Variants in DEPTOR observed in about 807,000 individuals in gnomAD.
DEPTOR encodes DEP domain-containing mTOR-interacting protein.
DEPTOR carries 41 observed loss-of-function variants against 41.6 expected under a neutral mutation model. That is an observed-to-expected ratio of 0.98 (90% CI 0.77 to 1.28). The LOEUF is 1.28. Ranked by LOEUF, DEPTOR falls within the 50% of genes most tolerant of loss-of-function variation. DEPTOR has a pLI of 0.00. For synonymous variants in DEPTOR, 195 were observed against 192.3 expected (o/e 1.01, Z -0.12); for missense variants, 514 against 527.9 (o/e 0.97, Z 0.26).
chr8:119,949,561 G>T (rs557485733), intron 3 of DEPTOR, among the ~76,000 whole-genome samples: 6 of 152,188 alleles, frequency 3.9e-5, no homozygotes, highest in Non-Finnish European at 7.3e-5. Flanking sequence ...CCAACTAGCG[G>T]ATATGAAATG....
chr8:119,908,113 G>A (rs911845699), intron 1 of DEPTOR, among the ~76,000 whole-genome samples: 2 of 152,144 alleles, frequency 1.3e-5, no homozygotes, highest in African/African-American at 4.8e-5. Context: ...GGAGTCCGGA[G>A]ATCAAACTGT....
chr8:119,995,411 C>A (rs567205405), intron 4 of DEPTOR, among the ~76,000 whole-genome samples: 1 of 151,996 alleles, frequency 6.6e-6, no homozygotes, highest in Non-Finnish European at 1.5e-5. Context: ...CATGGTGAAA[C>A]CCTGTCTCCA....
chr8:119,874,886 C>T (rs1827212358), intron 1 of DEPTOR, among the ~76,000 whole-genome samples: 1 of 152,118 alleles, frequency 6.6e-6, no homozygotes, highest in Non-Finnish European at 1.5e-5. Context: ...AAAGAAAACC[C>T]AGCTCTGCAG....
chr8:120,046,267 T>G (rs141921619), intron 8 of DEPTOR, among the ~76,000 whole-genome samples: 59 of 152,304 alleles, frequency 3.9e-4, no homozygotes, highest in African/African-American at 1.3e-3. Flanking sequence ...TATTCACAGA[T>G]TTATGTCACT....
chr8:119,920,990 T>TG (rs3029121), intron 1 of DEPTOR, among the ~76,000 whole-genome samples: 34,489 of 148,590 alleles, frequency 0.23, 4,172 homozygotes, highest in Middle Eastern at 0.38. Flanking sequence ...GTTTTTTTTT[T>TG]TTTTGAGACA....
At chr8:119,979,063 A>G (rs1381594465) in intron 4 of DEPTOR, among the ~76,000 whole-genome samples, 4 of 152,160 alleles carry the variant, frequency 2.6e-5, no homozygotes, top group Non-Finnish European at 5.9e-5. Context: ...AGCATAAGCA[A>G]ACTCATCAGT....
chr8:120,049,117 G>C (rs945403022), intron 8 of DEPTOR, among the ~76,000 whole-genome samples: 58 of 152,174 alleles, frequency 3.8e-4, no homozygotes, highest in African/African-American at 1.3e-3. Flanking sequence ...ACATTCTTTG[G>C]TTGAGTCCTC....
chr8:120,040,703 C>T (rs1402773845), intron 8 of DEPTOR, among the ~76,000 whole-genome samples: 2 of 152,172 alleles, frequency 1.3e-5, no homozygotes, highest in East Asian at 3.8e-4. Context: ...TGCAACTGGA[C>T]TCCAAAAGTC....
chr8:119,977,110 C>T (rs145377415), intron 4 of DEPTOR, among the ~76,000 whole-genome samples: 295 of 152,270 alleles, frequency 1.9e-3, no homozygotes, highest in African/African-American at 6.8e-3. Flanking sequence ...TAGCGATTCT[C>T]CTGCCTCAGC....
chr8:119,883,568 G>T (rs948327140), intron 1 of DEPTOR, among the ~76,000 whole-genome samples: 5 of 151,160 alleles, frequency 3.3e-5, no homozygotes, highest in African/African-American at 7.3e-5. Flanking sequence ...GGGAACAAAT[G>T]TCATGGCCTC....
rs71571643 is a variant in DEPTOR at position 119,988,958 on chromosome 8, C to CTTTTTTTTTTTTT, written c.605-12557_605-12545dup. 8.1e-3 allele frequency among the ~76,000 whole-genome samples: 750 copies of CTTTTTTTTTTTTT among 93,092 alleles called. 3 individuals are homozygous for CTTTTTTTTTTTTT. Among genetic ancestry groups the CTTTTTTTTTTTTT allele is most frequent in the Non-Finnish European group, 9.8e-3 (502 of 51,228 alleles). The allele number at this position is 93,092 out of a possible 152,430, so 61.1% of individuals were successfully genotyped here. A position where few individuals can be genotyped will look rare whatever the true frequency, so the allele number is the denominator to read the frequency against. ...GCTATAGCCATATCCTTTTTTTTTT[C>CTTTTTTTTTTTTT]TTTTTTTTTTTTTTTTTTTTTTAAT... is the stretch of plus-strand genomic sequence containing the variant. On this transcript the variant is annotated intron_variant, in intron 4 of 8. Coordinates refer to ENST00000286234, the MANE Select transcript of DEPTOR (RefSeq NM_022783.4).
At chr8:120,016,466 T>A (rs934304751) in intron 8 of DEPTOR, among the ~76,000 whole-genome samples, 5 of 151,800 alleles carry the variant, frequency 3.3e-5, no homozygotes, top group African/African-American at 1.2e-4. Context: ...ACCCAGCTAA[T>A]TTTTTTGTAT....
chr8:119,955,959 C>T (rs1186703772), intron 3 of DEPTOR, among the ~76,000 whole-genome samples: 1 of 152,110 alleles, frequency 6.6e-6, no homozygotes. Flanking sequence ...AGCCCCGCAT[C>T]ACCAGGTCCA....
intron 8 of DEPTOR, among the ~76,000 whole-genome samples, chr8:120,020,818 G>C (rs1812692558): frequency 6.6e-6 from 1 of 152,144 alleles, no homozygotes; most frequent in South Asian, 2.1e-4. Flanking sequence ...CAGTACTTTG[G>C]GAGGCCGAGG....
intron 4 of DEPTOR, among the ~76,000 whole-genome samples, chr8:119,989,623 A>G (rs1563584050): frequency 6.6e-6 from 1 of 152,326 alleles, no homozygotes; most frequent in East Asian, 1.9e-4. Flanking sequence ...TATATATGGG[A>G]ATATAATAAC....
At chr8:119,938,761 C>G (rs189303686) in intron 3 of DEPTOR, among the ~76,000 whole-genome samples, 1 of 152,030 alleles carries the variant, frequency 6.6e-6, no homozygotes. Flanking sequence ...CTGCCTGCCT[C>G]GGCCTCCCAA....
At chr8:119,962,612 A>G (rs1016516635) in intron 3 of DEPTOR, among the ~76,000 whole-genome samples, 9 of 152,248 alleles carry the variant, frequency 5.9e-5, no homozygotes, top group Non-Finnish European at 8.8e-5. Context: ...AAAAGCAATG[A>G]GAAGCTATTG....
intron 8 of DEPTOR, among the ~76,000 whole-genome samples, chr8:120,011,839 T>A (rs1812535087): frequency 1.3e-5 from 2 of 152,264 alleles, no homozygotes; most frequent in South Asian, 2.1e-4. Flanking sequence ...ATGGTTTATA[T>A]GTTTAGTTTC....
chr8:119,975,354 A>C (rs533207221), intron 4 of DEPTOR, among the ~76,000 whole-genome samples: 3 of 152,248 alleles, frequency 2.0e-5, no homozygotes, highest in African/African-American at 7.2e-5. Context: ...TTAAGAAAAA[A>C]ATTATTGACA....
Sources: gnomAD v4.1 joint callset for allele counts (sites outside exome capture counted in the v4.1 genomes callset) on GRCh38, gnomAD v4.1.1 for gene constraint, MANE v1.5 for transcripts, NCBI Gene and HGNC (gene_info 2026-07-23, HGNC 2026-07-21) for gene names.